PRIM2: variants seen among roughly 807,000 people sequenced by gnomAD.
PRIM2 encodes the protein DNA primase subunit 2.
A neutral mutation model predicts 67.3 loss-of-function variants in PRIM2; 39 were observed. That is an observed-to-expected ratio of 0.58 (90% CI 0.45 to 0.76). PRIM2 has a LOEUF of 0.76. Ranked by LOEUF, PRIM2 falls within the 30% of genes least tolerant of loss-of-function variation. The probability of loss-of-function intolerance (pLI) is 0.00; values close to 1 mark genes in which losing one functional copy is unlikely to be tolerated. For missense variants in PRIM2, 398 were observed against 598.7 expected, an observed-to-expected ratio of 0.66 and a Z score of 3.50; for synonymous variants, 143 against 198.7, an observed-to-expected ratio of 0.72 and a Z score of 2.36.
chr6:57,561,685 C>T (rs1411439070), intron 10 of PRIM2, among the ~76,000 whole-genome samples: 1 of 152,242 alleles, frequency 6.6e-6, no homozygotes, highest in African/African-American at 2.4e-5. Flanking sequence ...TCTTTCTCCA[C>T]ATCAGCACTA....
intron 8 of PRIM2, among the ~76,000 whole-genome samples, chr6:57,531,967 G>A (rs1328618916): frequency 2.0e-5 from 3 of 152,062 alleles, no homozygotes; most frequent in African/African-American, 4.8e-5. Context: ...TGCAAAGCAG[G>A]CATTATTATC....
At chr6:57,397,696 C>T (rs1770564603) in intron 7 of PRIM2, among the ~76,000 whole-genome samples, 1 of 151,840 alleles carries the variant, frequency 6.6e-6, no homozygotes, top group Non-Finnish European at 1.5e-5. Context: ...GTTTTGGATC[C>T]ATTGCTGGTG....
intron 12 of PRIM2, among the ~76,000 whole-genome samples, chr6:57,618,966 CA>C (rs1392277330): frequency 6.6e-6 from 1 of 152,198 alleles, no homozygotes; most frequent in Non-Finnish European, 1.5e-5. Flanking sequence ...GGAGGCCAAC[CA>C]GCACAAAAAT....
At chr6:57,249,678 G>T in the PRIM2 span, among the ~76,000 whole-genome samples, 21 of 152,292 alleles carry the variant, frequency 1.4e-4, no homozygotes, top group Middle Eastern at 6.8e-3. Context: ...AGAGGAGGAG[G>T]TTGCAGTGAG....
At chr6:57,454,788 A>G (rs1772700122) in intron 7 of PRIM2, among the ~76,000 whole-genome samples, 1 of 151,830 alleles carries the variant, frequency 6.6e-6, no homozygotes, top group Admixed American at 6.6e-5. Context: ...TATTTCCTTC[A>G]GTTCTGTTCT....
chr6:57,281,817 G>T, the PRIM2 span, among the ~76,000 whole-genome samples: 1 of 152,104 alleles, frequency 6.6e-6, no homozygotes, highest in African/African-American at 2.4e-5. Context: ...TAAGTGATCT[G>T]CAGGCATTTC....
chr6:57,492,236 T>C (rs1460996440), intron 7 of PRIM2, among the ~76,000 whole-genome samples: 10 of 152,148 alleles, frequency 6.6e-5, no homozygotes, highest in African/African-American at 2.4e-4. Flanking sequence ...GTCTGTCCAA[T>C]AGAAATGTGA....
At chr6:57,492,000 G>A (rs1238609200) in intron 7 of PRIM2, among the ~76,000 whole-genome samples, 2 of 152,102 alleles carry the variant, frequency 1.3e-5, no homozygotes, top group Admixed American at 1.3e-4. Flanking sequence ...TTAAGGAATG[G>A]AATTTTCTAC....
chr6:57,605,054 T>C (rs1776535675), intron 11 of PRIM2, among the ~76,000 whole-genome samples: 1 of 152,228 alleles, frequency 6.6e-6, no homozygotes, highest in Non-Finnish European at 1.5e-5. Context: ...TTTAATTCTG[T>C]TTATGTGGTG....
At chr6:57,380,702 G>T (rs981535688) in intron 6 of PRIM2, among the ~76,000 whole-genome samples, 1 of 151,414 alleles carries the variant, frequency 6.6e-6, no homozygotes, top group African/African-American at 2.4e-5. Context: ...CAGCTTCTTC[G>T]TTTCGACTGT....
At chr6:57,570,240 G>C (rs1161868466) in intron 10 of PRIM2, among the ~76,000 whole-genome samples, 29 of 152,308 alleles carry the variant, frequency 1.9e-4, no homozygotes, top group African/African-American at 7.0e-4. Context: ...TGAAAGAGCT[G>C]TGTATACATC....
At chr6:57,520,027 A>G (rs1774578887) in intron 8 of PRIM2, among the ~76,000 whole-genome samples, 1 of 152,152 alleles carries the variant, frequency 6.6e-6, no homozygotes, top group African/African-American at 2.4e-5. Flanking sequence ...TGCTCTTTTG[A>G]TCTATGAAAT....
the PRIM2 span, among the ~76,000 whole-genome samples, chr6:57,268,000 C>G: frequency 6.6e-6 from 1 of 152,020 alleles, no homozygotes; most frequent in Non-Finnish European, 1.5e-5. Context: ...AAACATAATC[C>G]TTTTAATCTA....
chr6:57,518,152 C>T (rs1554348440), intron 8 of PRIM2, among the ~76,000 whole-genome samples: 1 of 152,112 alleles, frequency 6.6e-6, no homozygotes, highest in East Asian at 1.9e-4. Context: ...AAGGATAATA[C>T]AAGATGAATT....
At chr6:57,552,994 G>A (rs2127475496) in intron 10 of PRIM2, among the ~76,000 whole-genome samples, 1 of 152,256 alleles carries the variant, frequency 6.6e-6, no homozygotes, top group South Asian at 2.1e-4. Context: ...GATTTAGACA[G>A]TGTACTCAAA....
chr6:57,466,171 A>G (rs1295911197), intron 7 of PRIM2, among the ~76,000 whole-genome samples: 1 of 152,328 alleles, frequency 6.6e-6, no homozygotes, highest in African/African-American at 2.4e-5. Flanking sequence ...CTATGGCTGC[A>G]TACTATTCCA....
chr6:57,383,706 A>T (rs984886041), intron 7 of PRIM2: 1 of 152,084 alleles, frequency 6.6e-6, no homozygotes, highest in Non-Finnish European at 1.5e-5. Flanking sequence ...CTTCGGGACA[A>T]CCCAATTTGC....
the PRIM2 span, among the ~76,000 whole-genome samples, chr6:57,254,624 G>A: frequency 6.6e-6 from 1 of 152,166 alleles, no homozygotes; most frequent in Non-Finnish European, 1.5e-5. Context: ...AGTGTGACAA[G>A]ATAACAAATG....
intron 7 of PRIM2, among the ~76,000 whole-genome samples, chr6:57,401,168 T>A (rs1770694224): frequency 6.6e-6 from 1 of 152,174 alleles, no homozygotes; most frequent in African/African-American, 2.4e-5. Context: ...AGAACATGCG[T>A]CACTCTGGTC....
Sources: gnomAD v4.1 joint callset for allele counts (sites outside exome capture counted in the v4.1 genomes callset) on GRCh38, gnomAD v4.1.1 for gene constraint, MANE v1.5 for transcripts, NCBI Gene and HGNC (gene_info 2026-07-23, HGNC 2026-07-21) for gene names.